WDR64: variants seen among roughly 807,000 people sequenced by gnomAD.
WDR64 encodes WD repeat domain 64, also known as WD repeat-containing protein 64.
WDR64 carries 112 observed loss-of-function variants against 139.3 expected under a neutral mutation model. That is an observed-to-expected ratio of 0.80 (90% CI 0.69 to 0.94). The LOEUF is 0.94. Ranked by LOEUF, WDR64 falls within the 40% of genes least tolerant of loss-of-function variation. WDR64 has a pLI of 0.00. For missense variants in WDR64, 1,206 were observed against 1,293.1 expected, an observed-to-expected ratio of 0.93 and a Z score of 1.03; for synonymous variants, 444 against 437.7, an observed-to-expected ratio of 1.01 and a Z score of -0.18.
At chr1:241,685,235 C>T (rs1426657706) in intron 7 of WDR64, among the ~76,000 whole-genome samples, 1 of 151,048 alleles carries the variant, frequency 6.6e-6, no homozygotes, top group African/African-American at 2.4e-5. Flanking sequence ...ATTCAGATTT[C>T]AAGGATGTTC....
rs150377836 is a variant in WDR64 at position 241,699,057 on chromosome 1, A to G, written c.974+11462A>G. 4.0e-3 allele frequency among the ~76,000 whole-genome samples: 605 copies of G among 152,296 alleles called. 6 individuals are homozygous for G. The highest frequency in any genetic ancestry group is 0.014 in the African/African-American group (576 of 41,546). ...TCATGAGAACTCATGCACTATCCCA[A>G]GAACAGCATGAGGGTAACTGCCCCC... On this transcript the variant is annotated intron_variant, in intron 8 of 27. Coordinates refer to ENST00000437684, the MANE Select transcript of WDR64 (RefSeq NM_001367482.1).
At chr1:241,735,351 G>A (rs1383508114) in intron 10 of WDR64, among the ~76,000 whole-genome samples, 1 of 151,890 alleles carries the variant, frequency 6.6e-6, no homozygotes, top group Non-Finnish European at 1.5e-5. Context: ...TTGTGTTGTT[G>A]CTTTGGTTGA....
At chr1:241,794,504 G>GTTTTTTTTTT (rs11419039) in intron 25 of WDR64, among the ~76,000 whole-genome samples, 9 of 81,482 alleles carry the variant, frequency 1.1e-4, no homozygotes, top group African/African-American at 1.3e-4. Context: ...AAGCTTTACT[G>GTTTTTTTTTT]TTTTTTTTTT....
intron 21 of WDR64, 46 bp from the exon 22 acceptor site, chr1:241,779,958 T>G: frequency 6.9e-7 from 1 of 1,454,954 alleles, no homozygotes; most frequent in Non-Finnish European, 9.4e-7. Flanking sequence ...TTGATTTAGA[T>G]AACATGATAT....
intron 27 of WDR64, among the ~76,000 whole-genome samples, chr1:241,798,437 T>C (rs528855658): frequency 6.6e-6 from 1 of 152,300 alleles, no homozygotes; most frequent in Admixed American, 6.5e-5. Flanking sequence ...GAAACTGGGA[T>C]AGATTAAAGC....
chr1:241,687,086 C>G (rs1484580497), intron 7 of WDR64, among the ~76,000 whole-genome samples: 1 of 152,130 alleles, frequency 6.6e-6, no homozygotes, highest in African/African-American at 2.4e-5. Flanking sequence ...AGGCAGATCA[C>G]CTGAGGTCAG....
chr1:241,778,245 G>C (rs557206952), intron 21 of WDR64, among the ~76,000 whole-genome samples: 29 of 152,248 alleles, frequency 1.9e-4, no homozygotes, highest in Admixed American at 9.8e-4. Flanking sequence ...TTATCATTAG[G>C]TAATGCCCTC....
At chr1:241,774,985 T>C (rs1342397614) in intron 20 of WDR64, 120 bp from the exon 21 acceptor site, 8 of 744,058 alleles carry the variant, frequency 1.1e-5, no homozygotes, top group Non-Finnish European at 1.3e-5. Flanking sequence ...GGAATCGTGG[T>C]TCAGTAGTAG....
chr1:241,699,902 G>A lies in WDR64; in HGVS notation c.975-11900G>A, dbSNP rs138273848. Among the ~76,000 whole-genome samples, 67 of 152,152 alleles carry A rather than the reference G, an allele frequency of 4.4e-4. 1 individual carries two copies. The highest frequency in any genetic ancestry group is 1.5e-3 in the African/African-American group (64 of 41,532). On this transcript the variant is annotated intron_variant, in intron 8 of 27. Transcript: ENST00000437684. ...AACCTGAAAGCTATCGGAAGCCATCGAATGCTTTAAACAAGAGAGTAAAAA... is the reference window on the plus strand; with the variant it reads ...AACCTGAAAGCTATCGGAAGCCATCAAATGCTTTAAACAAGAGAGTAAAAA...
At position 241,683,595 on chromosome 1, in the gene WDR64, G is replaced by C; in HGVS notation, c.733G>C (p.Gly245Arg). 6.4e-7 allele frequency: 1 copy of C among 1,551,508 alleles called. No individual in the cohort carries two copies. The highest frequency in any genetic ancestry group is 8.7e-7 in the Non-Finnish European group (1 of 1,146,966). ...RDDILLGDDG[G>R]FVNRFTVNSD... ...TGACATCCTCTTGGGGGATGATGGGGGTTTTGTGAACAGATTCACAGTCAA... is the reference window on the plus strand; with the variant it reads ...TGACATCCTCTTGGGGGATGATGGGCGTTTTGTGAACAGATTCACAGTCAA... The change falls in exon 7 of 28, where the codon GGT (glycine) becomes CGT (arginine). Residue 245 changes from glycine to arginine, a missense_variant. By Grantham distance (125) the Gly-to-Arg change is moderately radical (BLOSUM62 -2). Coordinates refer to ENST00000437684, the MANE Select transcript of WDR64 (RefSeq NM_001367482.1).
Position 241,738,500 on chromosome 1 carries a change from C to T in WDR64, c.1321+11C>T. ...GCATGCTTATTACGGGTAAGTGTAC[C>T]CAATTAATGTCAAACGAAACTCATG... On this transcript the variant is annotated intron_variant, in intron 11 of 27. Transcript: ENST00000437684. The T allele has an allele frequency of 6.3e-7, 1 of 1,596,764 alleles. No individual in the cohort carries two copies. Among genetic ancestry groups the T allele is most frequent in the South Asian group, 1.1e-5 (1 of 87,364 alleles).
At chr1:241,787,599 A>G (rs1475349511) in intron 23 of WDR64, among the ~76,000 whole-genome samples, 1 of 149,978 alleles carries the variant, frequency 6.7e-6, no homozygotes, top group Non-Finnish European at 1.5e-5. Context: ...TAGGAGGCAG[A>G]GGTTGCAGTG....
chr1:241,766,036 C>T (rs1178942924), intron 15 of WDR64, among the ~76,000 whole-genome samples, 182 bp from the exon 16 acceptor site: 5 of 151,950 alleles, frequency 3.3e-5, no homozygotes, highest in Non-Finnish European at 5.9e-5. Flanking sequence ...ATGAATTCTG[C>T]CAGTTAAAAA....
chr1:241,678,320 G>T (rs1201744914), intron 5 of WDR64, 104 bp downstream of exon 5: 1 of 396,442 alleles, frequency 2.5e-6, no homozygotes, highest in Non-Finnish European at 4.5e-6. Flanking sequence ...TAGGCTCTGG[G>T]TATATGTTTC....
At chr1:241,701,278 G>A (rs938515883) in intron 8 of WDR64, among the ~76,000 whole-genome samples, 80 of 150,998 alleles carry the variant, frequency 5.3e-4, no homozygotes, top group Admixed American at 3.0e-3. Flanking sequence ...GCACATGCGC[G>A]CACACACACA....
intron 4 of WDR64, among the ~76,000 whole-genome samples, chr1:241,675,379 T>C (rs966329415): frequency 6.6e-6 from 1 of 150,764 alleles, no homozygotes; most frequent in Non-Finnish European, 1.5e-5. Flanking sequence ...GCGGAAACCA[T>C]AAATTATATT....
chr1:241,755,882 C>A (rs138026410), intron 14 of WDR64, among the ~76,000 whole-genome samples: 3,882 of 152,146 alleles, frequency 0.026, 155 homozygotes, highest in African/African-American at 0.087. Flanking sequence ...AGATGTGTGG[C>A]ATTATTCCTG....
chr1:241,780,289 C>T (rs1574092158), intron 22 of WDR64, among the ~76,000 whole-genome samples: 1 of 152,170 alleles, frequency 6.6e-6, no homozygotes, highest in Non-Finnish European at 1.5e-5. Context: ...GGTCACTTTG[C>T]ATCGTCTTCA....
intron 10 of WDR64, among the ~76,000 whole-genome samples, chr1:241,732,141 C>A (rs1669105552): frequency 6.6e-6 from 1 of 152,120 alleles, no homozygotes; most frequent in Admixed American, 6.6e-5. Context: ...GAAAGGCAGG[C>A]CAAATTCTGA....
Sources: allele counts gnomAD v4.1 joint callset (sites outside exome capture counted in the v4.1 genomes callset), GRCh38; gene constraint gnomAD v4.1.1; transcripts MANE v1.5; gene names NCBI Gene and HGNC (gene_info 2026-07-23, HGNC 2026-07-21).